Variants in CLEC12A observed in about 807,000 individuals in gnomAD.
The protein encoded by CLEC12A is C-type lectin protein CLL-1.
Under a neutral mutation model 26.5 loss-of-function variants are expected in CLEC12A, and 22 were observed. That is an observed-to-expected ratio of 0.83 (90% CI 0.59 to 1.19). The LOEUF is 1.19. Ranked by LOEUF, CLEC12A falls within the 50% of genes most tolerant of loss-of-function variation. The pLI is 0.00. For missense variants in CLEC12A, 353 were observed against 315.6 expected, an observed-to-expected ratio of 1.12 and a Z score of -0.90; for synonymous variants, 119 against 101.9, an observed-to-expected ratio of 1.17 and a Z score of -1.01.
intron 1 of CLEC12A, chr12:9,951,415 T>C: frequency 1.4e-6 from 1 of 702,628 alleles, no homozygotes; most frequent in South Asian, 1.5e-5. Context: ...TGAGAAATTC[T>C]GAAGGAATTT....
intron 1 of CLEC12A, among the ~76,000 whole-genome samples, chr12:9,954,378 C>T (rs1392916451): frequency 6.6e-6 from 1 of 151,874 alleles, no homozygotes; most frequent in East Asian, 1.9e-4. Flanking sequence ...ACCTGTAGTC[C>T]CAGCTACTCA....
At chr12:10,002,312 T>C in the CLEC12A span, among the ~76,000 whole-genome samples, 1 of 152,230 alleles carries the variant, frequency 6.6e-6, no homozygotes, top group African/African-American at 2.4e-5. Context: ...TGAATGTTAA[T>C]TATGTTTCAG....
chr12:9,981,574 T>G (rs1864560074), intron 4 of CLEC12A, among the ~76,000 whole-genome samples: 1 of 152,108 alleles, frequency 6.6e-6, no homozygotes. Flanking sequence ...AACCTGTTAT[T>G]TGGCTACAAA....
At chr12:9,999,037 C>T (rs766141113), downstream of CLEC12A, 93 of 1,572,710 alleles carry the variant, frequency 5.9e-5, 3 homozygotes, top group South Asian at 6.8e-4. Flanking sequence ...GCATTCTTAC[C>T]GGAGATGAGA....
chr12:9,983,841 A>G (rs1278286880), intron 5 of CLEC12A: 1 of 288,108 alleles, frequency 3.5e-6, no homozygotes, highest in African/African-American at 2.2e-5. Flanking sequence ...GATAGGATAC[A>G]ATGGGAGATA....
chr12:9,986,704 G>A (rs1276533338), downstream of CLEC12A, among the ~76,000 whole-genome samples: 2 of 152,118 alleles, frequency 1.3e-5, no homozygotes, highest in African/African-American at 2.4e-5. Flanking sequence ...CCAGCTACTC[G>A]GGAGGCTGAG....
At chr12:9,954,177 T>C in intron 1 of CLEC12A, among the ~76,000 whole-genome samples, 1 of 117,802 alleles carries the variant, frequency 8.5e-6, no homozygotes, top group Non-Finnish European at 1.7e-5. Flanking sequence ...CCAAATCCCC[T>C]CTGTGAGAAA....
At chr12:10,002,685 G>A in the CLEC12A span, among the ~76,000 whole-genome samples, 19 of 151,642 alleles carry the variant, frequency 1.3e-4, 1 homozygote, top group African/African-American at 3.6e-4. Flanking sequence ...CTCGTGATCC[G>A]CCCGCCTCGG....
intron 1 of CLEC12A, among the ~76,000 whole-genome samples, chr12:9,958,613 T>G (rs1373052181): frequency 6.6e-6 from 1 of 152,210 alleles, no homozygotes; most frequent in Non-Finnish European, 1.5e-5. Context: ...AACTCTGGAT[T>G]GTAACAAAAG....
chr12:9,993,271 C>T (rs757786077), intron 4 of CLEC12A: 2 of 1,612,634 alleles, frequency 1.2e-6, no homozygotes, highest in Admixed American at 1.7e-5. Context: ...CCTTTTCCAT[C>T]TTCCAAAAAC....
At chr12:9,977,417 A>G (rs1864381574) in intron 1 of CLEC12A, among the ~76,000 whole-genome samples, 1 of 152,206 alleles carries the variant, frequency 6.6e-6, no homozygotes, top group Non-Finnish European at 1.5e-5. Flanking sequence ...CCTCCTTGTT[A>G]TTTTAAAAAC....
chr12:9,955,552 T>G (rs1565545498), intron 1 of CLEC12A, among the ~76,000 whole-genome samples: 1 of 152,224 alleles, frequency 6.6e-6, no homozygotes, highest in African/African-American at 2.4e-5. Flanking sequence ...AAGTGAACTT[T>G]TTGTGTAATT....
chr12:9,959,433 G>C (rs1388609718), intron 1 of CLEC12A, among the ~76,000 whole-genome samples: 1 of 143,738 alleles, frequency 7.0e-6, no homozygotes, highest in Non-Finnish European at 1.5e-5. Context: ...GCCTGGGAGA[G>C]AAGAGCGAAA....
chr12:9,952,205 C>T (rs1489433834), intron 1 of CLEC12A: 1 of 141,338 alleles, frequency 7.1e-6, no homozygotes, highest in African/African-American at 2.6e-5. Flanking sequence ...GTCTCCCTCT[C>T]CCTCTCCCCA....
intron 1 of CLEC12A, among the ~76,000 whole-genome samples, chr12:9,972,216 GT>G (rs1231969105): frequency 8.5e-5 from 13 of 152,122 alleles, no homozygotes; most frequent in African/African-American, 3.1e-4. Context: ...AACATGTTAA[GT>G]TAAATGAAAT....
chr12:10,000,005 A>G (rs1865137168), downstream of CLEC12A, among the ~76,000 whole-genome samples: 1 of 152,240 alleles, frequency 6.6e-6, no homozygotes, highest in Admixed American at 6.5e-5. Flanking sequence ...AAGTAGTTGT[A>G]AGAACAGCCA....
intron 1 of CLEC12A, among the ~76,000 whole-genome samples, chr12:9,965,688 C>G (rs1032210047): frequency 6.6e-6 from 1 of 151,960 alleles, no homozygotes; most frequent in Non-Finnish European, 1.5e-5. Flanking sequence ...ACCTGTAAGC[C>G]TTGTCTGGTT....
intron 3 of CLEC12A, among the ~76,000 whole-genome samples, 193 bp downstream of exon 3, chr12:9,979,717 A>C (rs1864477090): frequency 6.6e-6 from 1 of 152,232 alleles, no homozygotes; most frequent in Non-Finnish European, 1.5e-5. Context: ...AAGTAGTAAC[A>C]ACAATAGGCC....
the CLEC12A span, among the ~76,000 whole-genome samples, chr12:10,002,017 G>C: frequency 1.8e-3 from 270 of 151,494 alleles, 5 homozygotes; most frequent in South Asian, 0.022. Context: ...GTAGCTGGGA[G>C]TACAGGCGCC....
Sources: gnomAD v4.1 joint callset for allele counts (sites outside exome capture counted in the v4.1 genomes callset) on GRCh38, gnomAD v4.1.1 for gene constraint, MANE v1.5 for transcripts, NCBI Gene and HGNC (gene_info 2026-07-23, HGNC 2026-07-21) for gene names.